IL1RAPL2: variants seen among roughly 807,000 people sequenced by gnomAD.
The protein encoded by IL1RAPL2 is X-linked interleukin-1 receptor accessory protein-like 2.
In IL1RAPL2, 3 loss-of-function variants were observed where a neutral mutation model predicts 44.1. The observed-to-expected ratio is 0.07, with a 90% CI of 0.03 to 0.18. The LOEUF is 0.18. Ranked by LOEUF, IL1RAPL2 falls within the 10% of genes least tolerant of loss-of-function variation. The pLI is 1.00. For missense variants in IL1RAPL2, 391 were observed against 496.4 expected (o/e 0.79, Z 2.02); for synonymous variants, 181 against 178.8 (o/e 1.01, Z -0.10).
At chrX:104,743,992 T>C (rs1208076512) in intron 2 of IL1RAPL2, among the ~76,000 whole-genome samples, 2 of 110,508 alleles carry the variant, frequency 1.8e-5, no homozygotes, top group Non-Finnish European at 3.8e-5. Flanking sequence ...CAACCTCACC[T>C]AACCAAAGGG....
At chrX:104,642,861 T>C (rs1005606166) in intron 1 of IL1RAPL2, among the ~76,000 whole-genome samples, 19 of 111,950 alleles carry the variant, frequency 1.7e-4, no homozygotes, top group Admixed American at 1.5e-3. Context: ...TAAGATAGAA[T>C]CATGCTTCAT....
chrX:105,008,451 A>C lies in IL1RAPL2; in HGVS notation c.83-187024A>C, dbSNP rs185844677. On this transcript the variant is annotated intron_variant, in intron 2 of 10. Transcript: ENST00000372582. ...AATTTTTTTTTCAGTTTCATATACC[A>C]TAGGCTATTTTTCAATGTATATGTC... 4.5e-5 allele frequency among the ~76,000 whole-genome samples: 5 copies of C among 111,309 alleles called. No individual in the cohort carries two copies. The East Asian group carries it at 1.4e-3, about 32-fold the overall frequency.
At chrX:104,870,192 G>GT (rs1403321443) in intron 2 of IL1RAPL2, among the ~76,000 whole-genome samples, 1 of 111,993 alleles carries the variant, frequency 8.9e-6, no homozygotes, top group Non-Finnish European at 1.9e-5. Flanking sequence ...TGCTTACAGT[G>GT]TGCCAGGTTC....
Position 105,026,542 on chromosome X carries a change from C to A in IL1RAPL2, c.83-168933C>A, listed in dbSNP as rs1045681427. Among the ~76,000 whole-genome samples the A allele has an allele frequency of 5.4e-5, 6 of 110,921 alleles. No individual in the cohort carries two copies. The East Asian group carries it at 1.7e-3, about 32-fold the overall frequency. ...ATATTTTAAAAAATCAGTAACATTT[C>A]TATATGCCAATATTGAACAATCTGT... On this transcript the variant is annotated intron_variant, in intron 2 of 10. Coordinates refer to ENST00000372582, the MANE Select transcript of IL1RAPL2 (RefSeq NM_017416.2).
intron 5 of IL1RAPL2, among the ~76,000 whole-genome samples, chrX:105,289,601 G>C (rs896060192): frequency 8.9e-6 from 1 of 111,776 alleles, no homozygotes; most frequent in Non-Finnish European, 1.9e-5. Context: ...TAAGTAATAA[G>C]TCACAGGCAA....
intron 2 of IL1RAPL2, among the ~76,000 whole-genome samples, chrX:104,751,095 C>T (rs1007616378): frequency 9.0e-6 from 1 of 111,466 alleles, no homozygotes; most frequent in Non-Finnish European, 1.9e-5. Flanking sequence ...TAAATTTTCT[C>T]TTCATTTCTG....
chrX:104,800,645 A>T (rs1185135441), intron 2 of IL1RAPL2, among the ~76,000 whole-genome samples: 1 of 112,845 alleles, frequency 8.9e-6, no homozygotes, highest in Non-Finnish European at 1.9e-5. Context: ...GTACATTTTC[A>T]TCAACAGATA....
intron 2 of IL1RAPL2, among the ~76,000 whole-genome samples, chrX:105,160,994 C>A (rs1298520958): frequency 9.0e-6 from 1 of 111,535 alleles, no homozygotes; most frequent in Non-Finnish European, 1.9e-5. Context: ...AATCCCAGCA[C>A]TTTGGAAGGC....
intron 2 of IL1RAPL2, among the ~76,000 whole-genome samples, chrX:104,876,430 G>A (rs1327141445): frequency 9.0e-6 from 1 of 111,649 alleles, no homozygotes; most frequent in Non-Finnish European, 1.9e-5. Context: ...ACTTTAAGAA[G>A]TCAAAGATTA....
intron 5 of IL1RAPL2, among the ~76,000 whole-genome samples, chrX:105,349,727 C>A (rs1224610767): frequency 8.9e-6 from 1 of 111,792 alleles, no homozygotes; most frequent in East Asian, 2.8e-4. Context: ...TGATTTTAAG[C>A]AACTCATTAA....
At chrX:104,830,845 G>A (rs1015523551) in intron 2 of IL1RAPL2, among the ~76,000 whole-genome samples, 21 of 112,079 alleles carry the variant, frequency 1.9e-4, no homozygotes, top group Non-Finnish European at 3.8e-4. Context: ...ATTAATAAAA[G>A]CTAATTCCAT....
At chrX:104,582,973 C>T (rs1928441475) in intron 1 of IL1RAPL2, among the ~76,000 whole-genome samples, 1 of 106,462 alleles carries the variant, frequency 9.4e-6, no homozygotes, top group Admixed American at 1.1e-4. Flanking sequence ...ACTGCAGCTT[C>T]GACCTCCAGG....
intron 6 of IL1RAPL2, among the ~76,000 whole-genome samples, chrX:105,578,016 T>TA (rs1467220246): frequency 2.8e-5 from 3 of 106,731 alleles, no homozygotes; most frequent in Admixed American, 1.0e-4. Flanking sequence ...TATCTCCTAA[T>TA]ACTATCCCTC....
intron 6 of IL1RAPL2, among the ~76,000 whole-genome samples, chrX:105,647,775 A>G (rs1294660847): frequency 1.8e-5 from 2 of 112,575 alleles, no homozygotes; most frequent in African/African-American, 6.5e-5. Context: ...CAACAGTATC[A>G]CAATATTTTG....
intron 1 of IL1RAPL2, among the ~76,000 whole-genome samples, chrX:104,587,841 C>G (rs939000485): frequency 2.7e-5 from 3 of 111,837 alleles, no homozygotes; most frequent in African/African-American, 9.7e-5. Context: ...GAAATAATAA[C>G]TTTGACCATT....
chrX:104,662,085 A>G (rs1930412291), intron 2 of IL1RAPL2, among the ~76,000 whole-genome samples: 1 of 112,197 alleles, frequency 8.9e-6, no homozygotes, highest in African/African-American at 3.2e-5. Context: ...CTTGTCAAAC[A>G]TGGAAAAGAA....
intron 1 of IL1RAPL2, among the ~76,000 whole-genome samples, chrX:104,625,296 C>T (rs1226798936): frequency 1.8e-5 from 2 of 110,816 alleles, no homozygotes; most frequent in South Asian, 7.6e-4. Flanking sequence ...AATGCTTACC[C>T]TTGGCCAAAA....
intron 5 of IL1RAPL2, among the ~76,000 whole-genome samples, chrX:105,290,655 G>A (rs1569419118): frequency 9.0e-6 from 1 of 111,416 alleles, no homozygotes; most frequent in Non-Finnish European, 1.9e-5. Context: ...AAAAGAAGGA[G>A]TGAAGCAAAT....
chrX:104,767,806 T>C (rs780197484), intron 2 of IL1RAPL2, among the ~76,000 whole-genome samples: 2 of 111,374 alleles, frequency 1.8e-5, no homozygotes, highest in African/African-American at 6.5e-5. Flanking sequence ...GGCTGGTTAG[T>C]AGAATAAGTG....
Sources: allele counts gnomAD v4.1 joint callset (sites outside exome capture counted in the v4.1 genomes callset), GRCh38; gene constraint gnomAD v4.1.1; transcripts MANE v1.5; gene names NCBI Gene and HGNC (gene_info 2026-07-23, HGNC 2026-07-21).